TMEM132D: variants seen among roughly 807,000 people sequenced by gnomAD.
TMEM132D encodes the protein transmembrane protein 132D.
TMEM132D carries 21 observed loss-of-function variants against 62.3 expected under a neutral mutation model. The ratio of observed to expected loss-of-function variants is 0.34; its 90% CI spans 0.24 to 0.49. The LOEUF (loss-of-function observed/expected upper bound fraction) is 0.49. TMEM132D is among the 20% of genes least tolerant of loss of function. TMEM132D has a pLI of 0.99. For synonymous variants in TMEM132D, 621 were observed against 575.6 expected (o/e 1.08, Z -1.13); for missense variants, 1,346 against 1,402.8 (o/e 0.96, Z 0.65).
chr12:129,309,888 G>C (rs1217148154), intron 4 of TMEM132D, among the ~76,000 whole-genome samples: 1 of 152,144 alleles, frequency 6.6e-6, no homozygotes, highest in Non-Finnish European at 1.5e-5. Flanking sequence ...AGCCATGGTA[G>C]AGTCGTCCTC....
At chr12:129,210,857 C>A (rs961793191) in intron 4 of TMEM132D, 2 of 152,262 alleles carry the variant, frequency 1.3e-5, no homozygotes, top group Non-Finnish European at 2.9e-5. Flanking sequence ...TTCAGGCACA[C>A]CTATGCCTCG....
intron 8 of TMEM132D, among the ~76,000 whole-genome samples, chr12:129,076,371 ACATCCTTTGT>A (rs1233090507): frequency 6.6e-6 from 1 of 152,034 alleles, no homozygotes; most frequent in Admixed American, 6.5e-5. Context: ...TCCTCATAAC[ACATCCTTTGT>A]TATTTAAGCT....
At position 129,270,216 on chromosome 12, in the gene TMEM132D, C is replaced by T. The variant is rs538978810; in HGVS notation, c.1300-60553G>A. Reference sequence around the variant, plus strand: ...AATAATTTATCATCTGTATCTCTGCCGAAAAGGTAAGTGTTGTCAAGAGCA... The same window carrying T: ...AATAATTTATCATCTGTATCTCTGCTGAAAAGGTAAGTGTTGTCAAGAGCA... On this transcript the variant is annotated intron_variant, in intron 4 of 8. Transcript: ENST00000422113. Among the ~76,000 whole-genome samples, 8 of 152,028 alleles carry T rather than the reference C, an allele frequency of 5.3e-5. No individual in the cohort carries two copies. The South Asian group carries it at 8.3e-4, about 16-fold the overall frequency.
chr12:129,456,440 C>T (rs1419187559), intron 3 of TMEM132D, among the ~76,000 whole-genome samples: 2 of 152,150 alleles, frequency 1.3e-5, no homozygotes, highest in African/African-American at 4.8e-5. Flanking sequence ...GATGCTATGG[C>T]TTGACATTGA....
Position 129,788,890 on chromosome 12 carries a change from A to G in TMEM132D, c.80-88192T>C, listed in dbSNP as rs1213661757. 4.6e-5 allele frequency among the ~76,000 whole-genome samples: 7 copies of G among 152,104 alleles called. 1 individual carries two copies. Among genetic ancestry groups the G allele is most frequent in the Admixed American group, 2.6e-4 (4 of 15,272 alleles). ...AGCCCTGGGCAGAAGGGAGTCTGGC[A>G]TGTGTGGGGAACAGGGGAGGGCAAT... On this transcript the variant is annotated intron_variant, in intron 1 of 8. Transcript: ENST00000422113.
chr12:129,446,863 G>T (rs190376788), intron 3 of TMEM132D, among the ~76,000 whole-genome samples: 52 of 152,190 alleles, frequency 3.4e-4, no homozygotes, highest in African/African-American at 1.1e-3. Flanking sequence ...TAATCAACTC[G>T]CCTGGCCGTG....
intron 2 of TMEM132D, among the ~76,000 whole-genome samples, chr12:129,623,706 T>C (rs1879137959): frequency 6.9e-6 from 1 of 144,064 alleles, no homozygotes; most frequent in Non-Finnish European, 1.5e-5. Flanking sequence ...TATATATACA[T>C]ACATATGCAT....
At chr12:129,815,235 T>C (rs1312935642) in intron 1 of TMEM132D, among the ~76,000 whole-genome samples, 1 of 152,210 alleles carries the variant, frequency 6.6e-6, no homozygotes, top group Non-Finnish European at 1.5e-5. Context: ...AATTTAGCTC[T>C]TAGTTCTACC....
Position 129,903,556 on chromosome 12 carries a change from C to G in TMEM132D, c.-217G>C, listed in dbSNP as rs1875445523. The G allele has an allele frequency of 1.1e-5, 6 of 561,754 alleles. No individual in the cohort carries two copies. The highest frequency in any genetic ancestry group is 1.6e-5 in the Non-Finnish European group (5 of 315,154). 34.8% of individuals were successfully genotyped at this position (561,754 alleles called of 1,614,324 possible). A position where few individuals can be genotyped will look rare whatever the true frequency, so the allele number is the denominator to read the frequency against. Reference sequence around the variant, plus strand: ...GGCTCCTGAGTTGCTCTCCGGAGTCCAACACGCGCGCAGGCAAACCCCACC... The same window carrying G: ...GGCTCCTGAGTTGCTCTCCGGAGTCGAACACGCGCGCAGGCAAACCCCACC... On this transcript the variant is annotated 5_prime_UTR_variant, in exon 1 of 9. Transcript: ENST00000422113. This position sits in a 1 kb window ranked among gnomAD's most constrained non-coding sequence, Gnocchi z 6.2.
intron 3 of TMEM132D, among the ~76,000 whole-genome samples, chr12:129,343,823 G>T (rs1187650999): frequency 1.3e-5 from 2 of 151,704 alleles, no homozygotes; most frequent in Non-Finnish European, 2.9e-5. Context: ...TGTAATCCCA[G>T]GGGAGGCTGA....
intron 3 of TMEM132D, among the ~76,000 whole-genome samples, chr12:129,513,900 C>G (rs1370591699): frequency 5.3e-5 from 8 of 150,440 alleles, no homozygotes; most frequent in Non-Finnish European, 1.0e-4. Flanking sequence ...TGCAGTGGCA[C>G]GATCTCGGCT....
intron 1 of TMEM132D, among the ~76,000 whole-genome samples, chr12:129,755,241 T>G (rs1315794894): frequency 2.0e-5 from 3 of 152,234 alleles, no homozygotes; most frequent in African/African-American, 7.2e-5. Context: ...TTTTCCAAAT[T>G]GCTTATAAGT....
At chr12:129,560,572 C>A (rs1047532850) in intron 2 of TMEM132D, among the ~76,000 whole-genome samples, 5 of 152,256 alleles carry the variant, frequency 3.3e-5, no homozygotes, top group Admixed American at 6.5e-5. Context: ...GCCCGGCCAG[C>A]ACTTGTTAAT....
At chr12:129,411,940 G>A (rs1329728746) in intron 3 of TMEM132D, among the ~76,000 whole-genome samples, 1 of 151,992 alleles carries the variant, frequency 6.6e-6, no homozygotes, top group Non-Finnish European at 1.5e-5. Context: ...ATGTGAATAG[G>A]GTTGTTTAAT....
chr12:129,682,140 T>A (rs1880793226), intron 2 of TMEM132D, among the ~76,000 whole-genome samples: 1 of 152,226 alleles, frequency 6.6e-6, no homozygotes. Context: ...CTTGTCAACA[T>A]CAGCCCTCTT....
chr12:129,139,381 A>T lies in TMEM132D; in HGVS notation c.1444-54679T>A, dbSNP rs139565353. On this transcript the variant is annotated intron_variant, in intron 5 of 8. Coordinates refer to ENST00000422113, the MANE Select transcript of TMEM132D (RefSeq NM_133448.3). Reference sequence around the variant, plus strand: ...GCATGGGCATCAACCAGTTGAAATGACGGCCTAACCAATCAGACACCAGCC... The same window carrying T: ...GCATGGGCATCAACCAGTTGAAATGTCGGCCTAACCAATCAGACACCAGCC... Among the ~76,000 whole-genome samples the T allele has an allele frequency of 6.0e-3, 914 of 152,320 alleles. 11 individuals are homozygous for T. Among genetic ancestry groups the T allele is most frequent in the African/African-American group, 0.021 (859 of 41,576 alleles).
At chr12:129,125,711 T>A (rs538137874) in intron 5 of TMEM132D, among the ~76,000 whole-genome samples, 49 of 152,082 alleles carry the variant, frequency 3.2e-4, no homozygotes, top group African/African-American at 1.2e-3. Context: ...CTATGTTGCC[T>A]AGGCTGGCCT....
chr12:129,210,551 A>C (rs759893276), intron 4 of TMEM132D, among the ~76,000 whole-genome samples: 2 of 152,174 alleles, frequency 1.3e-5, no homozygotes, highest in Non-Finnish European at 2.9e-5. Context: ...GCTTGCCCCA[A>C]GTATTTGCTT....
intron 5 of TMEM132D, among the ~76,000 whole-genome samples, chr12:129,087,831 G>A (rs1240878313): frequency 6.6e-6 from 1 of 151,272 alleles, no homozygotes; most frequent in African/African-American, 2.4e-5. Context: ...CCAGGAGGGG[G>A]AGAATGACAC....
Sources: allele counts gnomAD v4.1 joint callset (sites outside exome capture counted in the v4.1 genomes callset), GRCh38; gene constraint gnomAD v4.1.1; non-coding constraint Gnocchi (gnomAD v3.1); transcripts MANE v1.5; gene names NCBI Gene and HGNC (gene_info 2026-07-23, HGNC 2026-07-21).